TRPS1: variants seen among roughly 807,000 people sequenced by gnomAD.
TRPS1 encodes zinc finger transcription factor Trps1.
In TRPS1, 6 loss-of-function variants were observed where a neutral mutation model predicts 101.2. The ratio of observed to expected loss-of-function variants is 0.06; its 90% CI spans 0.03 to 0.12. The LOEUF is 0.12. Among genes scored for constraint, TRPS1 ranks in the 10% least tolerant of loss-of-function variants. The pLI is 1.00. For synonymous variants in TRPS1, 578 were observed against 589.8 expected, an observed-to-expected ratio of 0.98 and a Z score of 0.29; for missense variants, 1,363 against 1,567.0, an observed-to-expected ratio of 0.87 and a Z score of 2.20.
intron 5 of TRPS1, among the ~76,000 whole-genome samples, chr8:115,462,065 T>C (rs964951298): frequency 6.6e-6 from 1 of 152,202 alleles, no homozygotes; most frequent in African/African-American, 2.4e-5. Context: ...TATATCATTC[T>C]TGTGTCAACA....
intron 5 of TRPS1, among the ~76,000 whole-genome samples, chr8:115,509,923 G>A (rs1379544915): frequency 2.6e-5 from 4 of 151,992 alleles, no homozygotes; most frequent in Middle Eastern, 3.4e-3. Context: ...GTCTCTTCCC[G>A]CTGACCTCCA....
chr8:115,458,084 G>A (rs910911985), intron 5 of TRPS1, among the ~76,000 whole-genome samples: 2 of 152,122 alleles, frequency 1.3e-5, no homozygotes, highest in Admixed American at 1.3e-4. Context: ...ACTTGCATAT[G>A]ACTTTTAAGT....
chr8:115,447,206 A>G (rs528130978), intron 5 of TRPS1, among the ~76,000 whole-genome samples: 34 of 152,264 alleles, frequency 2.2e-4, no homozygotes, highest in Non-Finnish European at 4.1e-4. Context: ...CTTCTTTATC[A>G]AAGCTACTGA....
chr8:115,578,194 A>C (rs886264835), intron 5 of TRPS1, among the ~76,000 whole-genome samples: 3 of 152,244 alleles, frequency 2.0e-5, no homozygotes, highest in Admixed American at 2.0e-4. Context: ...TTTTCTCCTA[A>C]TTTTTTGAAT....
chr8:115,471,892 C>T (rs1229408695), intron 5 of TRPS1, among the ~76,000 whole-genome samples: 1 of 152,232 alleles, frequency 6.6e-6, no homozygotes, highest in Admixed American at 6.5e-5. Context: ...CATGCTGATG[C>T]AAGAGGTGGG....
intron 4 of TRPS1, among the ~76,000 whole-genome samples, chr8:115,598,878 C>A (rs1226452309): frequency 6.6e-6 from 1 of 152,152 alleles, no homozygotes; most frequent in Non-Finnish European, 1.5e-5. Flanking sequence ...TAGTCTACAG[C>A]TGTTTTTAAG....
chr8:115,597,665 C>T (rs553028237), intron 4 of TRPS1, among the ~76,000 whole-genome samples: 2 of 152,086 alleles, frequency 1.3e-5, no homozygotes, highest in Non-Finnish European at 2.9e-5. Context: ...AAAACTTTAT[C>T]ATTGTGAGTG....
chr8:115,466,666 G>A (rs908095214), intron 5 of TRPS1, among the ~76,000 whole-genome samples: 41 of 151,958 alleles, frequency 2.7e-4, no homozygotes, highest in Admixed American at 1.0e-3. Context: ...GAAGGGGGGC[G>A]GGGCAAAGAG....
At chr8:115,518,962 C>T (rs1815790289) in intron 5 of TRPS1, among the ~76,000 whole-genome samples, 1 of 151,778 alleles carries the variant, frequency 6.6e-6, no homozygotes, top group Non-Finnish European at 1.5e-5. Flanking sequence ...TACTATGCAA[C>T]ACTTTCCTAT....
intron 1 of TRPS1, among the ~76,000 whole-genome samples, chr8:115,625,154 G>A (rs1257520887): frequency 6.6e-6 from 1 of 151,890 alleles, no homozygotes; most frequent in Non-Finnish European, 1.5e-5. Context: ...GGTAAGAGGT[G>A]TAAATTCTAT....
At chr8:115,582,849 A>C (rs1014149366) in intron 5 of TRPS1, among the ~76,000 whole-genome samples, 1 of 152,206 alleles carries the variant, frequency 6.6e-6, no homozygotes, top group African/African-American at 2.4e-5. Flanking sequence ...CTCTAGCTGC[A>C]AGAAAAAAGT....
intron 4 of TRPS1, among the ~76,000 whole-genome samples, chr8:115,593,685 C>T (rs1817728350): frequency 6.6e-6 from 1 of 152,144 alleles, no homozygotes; most frequent in Non-Finnish European, 1.5e-5. Context: ...TCTCCTCCAA[C>T]CTACTAAATG....
intron 5 of TRPS1, among the ~76,000 whole-genome samples, chr8:115,516,858 A>G (rs1470267141): frequency 6.6e-6 from 1 of 151,626 alleles, no homozygotes; most frequent in African/African-American, 2.4e-5. Flanking sequence ...ACTATCACTG[A>G]ACAAACAGAT....
In TRPS1 at chr8:115,583,907, A is replaced by G. The variant is rs149447667; in HGVS notation, c.2700+3094T>C. ...CAAACACTGACCCTGACATAAGCCA[A>G]AAAAAGGAGAAAACCACTAATGTTA... On this transcript the variant is annotated intron_variant, in intron 5 of 6. Coordinates refer to ENST00000395715, the MANE Select transcript of TRPS1 (RefSeq NM_014112.5). 5.2e-3 allele frequency among the ~76,000 whole-genome samples: 794 copies of G among 152,130 alleles called. 4 individuals are homozygous for G. Among genetic ancestry groups the G allele is most frequent in the African/African-American group, 0.018 (732 of 41,560 alleles).
chr8:115,438,296 C>T (rs1272738280), intron 5 of TRPS1, among the ~76,000 whole-genome samples: 1 of 152,204 alleles, frequency 6.6e-6, no homozygotes, highest in Non-Finnish European at 1.5e-5. Context: ...ATGTTGGATG[C>T]TCTACCTGTA....
chr8:115,562,871 AGTGTCTGTGTGT>A (rs1293125096), intron 5 of TRPS1, among the ~76,000 whole-genome samples: 9 of 100,952 alleles, frequency 8.9e-5, no homozygotes, highest in Admixed American at 7.0e-4. Flanking sequence ...CCCTACCCAC[AGTGTCTGTGTGT>A]GTGTGTGTGT....
intron 5 of TRPS1, among the ~76,000 whole-genome samples, chr8:115,499,579 A>C (rs1815250299): frequency 6.6e-6 from 1 of 152,214 alleles, no homozygotes; most frequent in Admixed American, 6.5e-5. Context: ...AACAACAAGA[A>C]AAACAGTTTA....
intron 5 of TRPS1, among the ~76,000 whole-genome samples, chr8:115,478,753 G>A (rs1054526399): frequency 2.0e-5 from 3 of 150,974 alleles, no homozygotes; most frequent in Non-Finnish European, 2.9e-5. Flanking sequence ...GCAGTGAGCC[G>A]AGATCACGCC....
chr8:115,474,739 G>A (rs1181896036), intron 5 of TRPS1, among the ~76,000 whole-genome samples: 1 of 152,038 alleles, frequency 6.6e-6, no homozygotes, highest in Non-Finnish European at 1.5e-5. Flanking sequence ...GCAAATTTCG[G>A]TTTCAAATGT....
Sources: allele counts gnomAD v4.1 joint callset (sites outside exome capture counted in the v4.1 genomes callset), GRCh38; gene constraint gnomAD v4.1.1; transcripts MANE v1.5; gene names NCBI Gene and HGNC (gene_info 2026-07-23, HGNC 2026-07-21).